Variants in USP34 observed in about 807,000 individuals in gnomAD.
USP34 encodes ubiquitin carboxyl-terminal hydrolase 34.
A neutral mutation model predicts 460.3 loss-of-function variants in USP34; 70 were observed. That is an observed-to-expected ratio of 0.15 (90% confidence interval 0.13 to 0.19). The LOEUF (loss-of-function observed/expected upper bound fraction) is 0.19, where lower values mean the gene tolerates loss of function less well. USP34 is among the 10% of genes least tolerant of loss of function. USP34 has a pLI of 1.00. For synonymous variants in USP34, 1,647 were observed against 1,405.3 expected (o/e 1.17, Z -3.85); for missense variants, 3,985 against 4,236.2 (o/e 0.94, Z 1.65).
At chr2:61,464,264 A>G (rs1224274723) in intron 1 of USP34, among the ~76,000 whole-genome samples, 1 of 152,212 alleles carries the variant, frequency 6.6e-6, no homozygotes, top group African/African-American at 2.4e-5. Context: ...AGTTGCAGTG[A>G]GCTGAGATCG....
chr2:61,337,023 A>G (rs986958001), intron 18 of USP34, among the ~76,000 whole-genome samples: 19 of 152,116 alleles, frequency 1.2e-4, no homozygotes, highest in Non-Finnish European at 1.3e-4. Context: ...TTCTCTTTCT[A>G]TTGAAGTATA....
chr2:61,283,282 T>C lies in USP34; in HGVS notation c.4874-13A>G, dbSNP rs755934888. 21 of 1,609,474 alleles carry C rather than the reference T, an allele frequency of 1.3e-5. No homozygotes were observed. In the South Asian group the frequency reaches 1.4e-4, roughly 11 times the overall value. ...GAATAATGTGAAACTAAAGAAAAAT[T>C]AGAAAACAGTTCACTATAAAAGGTT... On this transcript the variant is annotated splice_polypyrimidine_tract_variant and intron_variant, in intron 36 of 79. Coordinates refer to ENST00000398571, the MANE Select transcript of USP34 (RefSeq NM_014709.4).
At chr2:61,445,808 C>T (rs899365236) in intron 1 of USP34, among the ~76,000 whole-genome samples, 5 of 151,894 alleles carry the variant, frequency 3.3e-5, no homozygotes, top group Non-Finnish European at 7.4e-5. Flanking sequence ...ATTTGCCAGG[C>T]GTGGTGCTAT....
Position 61,248,620 on chromosome 2 carries a change from C to A in USP34, c.6285G>T (p.Met2095Ile). 1 of 1,608,780 alleles carries A rather than the reference C, an allele frequency of 6.2e-7. No homozygotes were observed. The highest frequency in any genetic ancestry group is 2.2e-5 in the East Asian group (1 of 44,752). ...TCACTTTCTCTTTCATCATCGTGAC[C>A]ATATTAAATGTGTATCTCATAGTAT... The part of the protein sequence containing the change: ...SFNTMRYTFN[M>I]VTMMKEKVNT... The change falls in exon 49 of 80, where the codon ATG becomes ATT. Residue 2095 changes from methionine to isoleucine, a missense_variant. Transcript: ENST00000398571.
chr2:61,384,583 G>T (rs921092140), intron 5 of USP34, among the ~76,000 whole-genome samples: 9 of 152,224 alleles, frequency 5.9e-5, no homozygotes, highest in African/African-American at 2.2e-4. Context: ...TGAGGTGGGA[G>T]ATTCGCTTGA....
intron 1 of USP34, among the ~76,000 whole-genome samples, chr2:61,436,690 C>G (rs1411249226): frequency 6.6e-6 from 1 of 152,170 alleles, no homozygotes; most frequent in Non-Finnish European, 1.5e-5. Flanking sequence ...CCAAATAAAA[C>G]CAACAGCTAT....
At chr2:61,455,710 CAACTAA>C (rs927501373) in intron 1 of USP34, among the ~76,000 whole-genome samples, 6 of 152,170 alleles carry the variant, frequency 3.9e-5, no homozygotes, top group East Asian at 3.8e-4. Context: ...CACTGCACTT[CAACTAA>C]AACTATTTCA....
chr2:61,399,874 CA>C lies in USP34; in HGVS notation c.553-4642del, dbSNP rs529141667. On this transcript the variant is annotated intron_variant, in intron 3 of 79. Transcript: ENST00000398571. Reference sequence around the variant, plus strand: ...GGCAACAGTGCGAGACACTGTCTCCCAAAAAAAAAAAAAAAAAGCTGTATTA... The same window carrying C: ...GGCAACAGTGCGAGACACTGTCTCCCAAAAAAAAAAAAAAAAGCTGTATTA... Among the ~76,000 whole-genome samples the C allele has an allele frequency of 2.9e-3, 206 of 69,988 alleles. 3 individuals are homozygous for C. Among genetic ancestry groups the C allele is most frequent in the Middle Eastern group, 8.6e-3 (1 of 116 alleles). 45.9% of individuals were successfully genotyped at this position (69,988 alleles called of 152,430 possible).
At chr2:61,260,178 T>G (rs1177832378) in intron 43 of USP34, among the ~76,000 whole-genome samples, 2 of 152,204 alleles carry the variant, frequency 1.3e-5, no homozygotes, top group Non-Finnish European at 2.9e-5. Context: ...CATCATTTAT[T>G]CATATCTTTA....
chr2:61,365,294 T>C (rs973966400), intron 10 of USP34, among the ~76,000 whole-genome samples: 8 of 109,808 alleles, frequency 7.3e-5, no homozygotes, highest in East Asian at 6.4e-4. Flanking sequence ...CACACACACG[T>C]GTGTTTATTT....
Position 61,452,721 on chromosome 2 carries a change from C to CAA in USP34, c.43+17927_43+17928dup, listed in dbSNP as rs562544798. On this transcript the variant is annotated intron_variant, in intron 1 of 79. Transcript: ENST00000398571. ...AAACACAAAGAGGCCCTGTCTCCAC[C>CAA]AAAAAAAAAAACAAAAGTTAAGAAT... is the stretch of plus-strand genomic sequence containing the variant. Among the ~76,000 whole-genome samples, 575 of 140,970 alleles carry CAA rather than the reference C, an allele frequency of 4.1e-3. 3 individuals are homozygous for CAA. Among genetic ancestry groups the CAA allele is most frequent in the African/African-American group, 0.012 (470 of 38,684 alleles). 92.5% of individuals were successfully genotyped at this position (140,970 alleles called of 152,430 possible).
chr2:61,285,762 A>G lies in USP34; in HGVS notation c.4750-805T>C, dbSNP rs138384968. ...TGAAATAAGAATTAAAAAGCAATAT[A>G]ATATACCACGGGTAGAGAGCATGGA... On this transcript the variant is annotated intron_variant, in intron 34 of 79. Coordinates refer to ENST00000398571, the MANE Select transcript of USP34 (RefSeq NM_014709.4). Among the ~76,000 whole-genome samples the G allele has an allele frequency of 6.3e-3, 957 of 152,302 alleles. 9 individuals carry two copies. Among genetic ancestry groups the G allele is most frequent in the African/African-American group, 0.022 (900 of 41,570 alleles).
At chr2:61,307,960 G>C (rs1057140664) in intron 27 of USP34, among the ~76,000 whole-genome samples, 3 of 152,068 alleles carry the variant, frequency 2.0e-5, no homozygotes, top group Non-Finnish European at 4.4e-5. Flanking sequence ...CAGGTGGCAG[G>C]ATCACCTGAG....
intron 3 of USP34, among the ~76,000 whole-genome samples, chr2:61,399,600 G>A (rs1338613874): frequency 1.3e-5 from 2 of 151,768 alleles, no homozygotes; most frequent in Non-Finnish European, 2.9e-5. Context: ...TCCCGGGCGC[G>A]GTGGCTCATG....
rs566102858 is a variant in USP34 at position 61,339,934 on chromosome 2, G to C, written c.2501-253C>G. Among the ~76,000 whole-genome samples, 19 of 152,096 alleles carry C rather than the reference G, an allele frequency of 1.2e-4. No individual in the cohort carries two copies. In the South Asian group the frequency reaches 3.9e-3, roughly 32 times the overall value. On this transcript the variant is annotated intron_variant, in intron 16 of 79. Coordinates refer to ENST00000398571, the MANE Select transcript of USP34 (RefSeq NM_014709.4). ...TAATCTCCTTCCTCAGCCTCCCTAA[G>C]TGTTGGGATTACAAGTGTAAGCCAC...
chr2:61,430,915 G>A lies in USP34; in HGVS notation c.44-10082C>T, dbSNP rs1241792310. Among the ~76,000 whole-genome samples, 3 of 152,164 alleles carry A rather than the reference G, an allele frequency of 2.0e-5. No individual in the cohort carries two copies. In the East Asian group the frequency reaches 5.8e-4, roughly 29 times the overall value. On this transcript the variant is annotated intron_variant, in intron 1 of 79. Transcript: ENST00000398571. Reference sequence around the variant, plus strand: ...GCTACTTGGGAGGCTGAGAAGAGAGGATCACTTGAGCCTGGGAGTTTGAGG... The same window carrying A: ...GCTACTTGGGAGGCTGAGAAGAGAGAATCACTTGAGCCTGGGAGTTTGAGG...
intron 33 of USP34, 67 bp from the exon 34 acceptor site, chr2:61,288,944 GAAATT>G: frequency 6.7e-7 from 1 of 1,489,176 alleles, no homozygotes. Flanking sequence ...ATACAATTTT[GAAATT>G]AAAAGACCAG....
At chr2:61,470,601 G>C (rs757171875) in intron 1 of USP34, 49 bp downstream of exon 1, 21 of 1,348,460 alleles carry the variant, frequency 1.6e-5, no homozygotes, top group Non-Finnish European at 2.1e-5. Flanking sequence ...AGAGCTGCGC[G>C]AGGACCCCAA....
chr2:61,290,446 G>C (rs888091109), intron 33 of USP34, among the ~76,000 whole-genome samples: 11 of 152,036 alleles, frequency 7.2e-5, no homozygotes, highest in Admixed American at 4.6e-4. Flanking sequence ...AATGTCAATA[G>C]GTGAGCAGAT....
Sources: gnomAD v4.1 joint callset for allele counts (sites outside exome capture counted in the v4.1 genomes callset) on GRCh38, gnomAD v4.1.1 for gene constraint, MANE v1.5 for transcripts, NCBI Gene and HGNC (gene_info 2026-07-23, HGNC 2026-07-21) for gene names.